Variants in CDS2 observed in about 807,000 individuals in gnomAD.
The protein encoded by CDS2 is phosphatidate cytidylyltransferase 2.
CDS2 carries 47 observed loss-of-function variants against 59.0 expected under a neutral mutation model. The ratio of observed to expected loss-of-function variants is 0.80; its 90% CI spans 0.63 to 1.02. The LOEUF is 1.02. Ranked by LOEUF, CDS2 falls within the 50% of genes least tolerant of loss-of-function variation. The pLI is 0.00. For missense variants in CDS2, 356 were observed against 558.9 expected (o/e 0.64, Z 3.66); for synonymous variants, 207 against 206.4 (o/e 1.00, Z -0.02).
At chr20:5,189,318 C>CTTGACCCA (rs1265469280) in intron 11 of CDS2, 132 bp downstream of exon 11, 213 of 974,104 alleles carry the variant, frequency 2.2e-4, no homozygotes, top group Non-Finnish European at 3.2e-4. Flanking sequence ...GACCCATGCA[C>CTTGACCCA]TGAATTTAGG....
intron 1 of CDS2, among the ~76,000 whole-genome samples, chr20:5,131,428 G>A (rs1193712090): frequency 1.3e-5 from 2 of 152,182 alleles, no homozygotes; most frequent in African/African-American, 2.4e-5. Flanking sequence ...ATATTTTTCT[G>A]ATGGAGCTTA....
At position 5,184,963 on chromosome 20, in the gene CDS2, A is replaced by C. The variant is rs752517851; in HGVS notation, c.759+18A>C. On this transcript the variant is annotated intron_variant, in intron 8 of 12. Coordinates refer to ENST00000460006, the MANE Select transcript of CDS2 (RefSeq NM_003818.4). This position sits in a 1 kb window ranked among gnomAD's most constrained non-coding sequence, Gnocchi z 4.3. ...TCATCAAGGTAAATGGATTACCCTA[A>C]TGTGAAATACCACTGTGAGGGGAGG... is the stretch of plus-strand genomic sequence containing the variant. 6.4e-7 allele frequency: 1 copy of C among 1,562,830 alleles called. No homozygotes were observed.
intron 1 of CDS2, among the ~76,000 whole-genome samples, chr20:5,140,922 G>A (rs1005286620): frequency 1.5e-4 from 23 of 152,170 alleles, no homozygotes; most frequent in African/African-American, 5.6e-4. Context: ...GTAAATAAGT[G>A]TGTGTGTGTA....
intron 1 of CDS2, among the ~76,000 whole-genome samples, chr20:5,166,873 A>G (rs2090916863): frequency 1.3e-5 from 2 of 152,176 alleles, no homozygotes; most frequent in African/African-American, 4.8e-5. Context: ...GGGACATGAA[A>G]TGTCGACAGC....
chr20:5,161,649 G>A (rs536364403), intron 1 of CDS2, among the ~76,000 whole-genome samples: 26 of 152,176 alleles, frequency 1.7e-4, no homozygotes, highest in Non-Finnish European at 3.5e-4. Flanking sequence ...GTTAATAGCT[G>A]CACAGAAAGT....
At chr20:5,178,050 C>A (rs1342311311) in intron 4 of CDS2, among the ~76,000 whole-genome samples, 1 of 152,150 alleles carries the variant, frequency 6.6e-6, no homozygotes. Flanking sequence ...TCTCAGGATC[C>A]TTGCTGGGGG....
chr20:5,161,099 C>G (rs1382758004), intron 1 of CDS2, among the ~76,000 whole-genome samples: 1 of 152,064 alleles, frequency 6.6e-6, no homozygotes, highest in African/African-American at 2.4e-5. Context: ...TGTGGTAATT[C>G]TATATTTGAT....
intron 1 of CDS2, among the ~76,000 whole-genome samples, chr20:5,137,986 A>T (rs2090662090): frequency 6.6e-6 from 1 of 151,254 alleles, no homozygotes; most frequent in Non-Finnish European, 1.5e-5. Context: ...TTTAGTAGAG[A>T]TGGGGTTTCG....
intron 1 of CDS2, among the ~76,000 whole-genome samples, chr20:5,144,119 T>C (rs1326861893): frequency 6.6e-6 from 1 of 152,192 alleles, no homozygotes; most frequent in African/African-American, 2.4e-5. Context: ...CTGGATCATA[T>C]GGTAATTCTG....
intron 1 of CDS2, among the ~76,000 whole-genome samples, chr20:5,127,737 A>C (rs1002181775): frequency 6.6e-6 from 1 of 151,330 alleles, no homozygotes; most frequent in Non-Finnish European, 1.5e-5. Context: ...TGTTTCCTGC[A>C]CCGTGTGGGC....
intron 1 of CDS2, among the ~76,000 whole-genome samples, chr20:5,144,754 T>C (rs1432388334): frequency 6.6e-6 from 1 of 152,176 alleles, no homozygotes; most frequent in Non-Finnish European, 1.5e-5. Flanking sequence ...ATGCATTCTG[T>C]GAAGTTTGTG....
At chr20:5,144,139 T>G (rs1026229885) in intron 1 of CDS2, among the ~76,000 whole-genome samples, 3 of 152,214 alleles carry the variant, frequency 2.0e-5, no homozygotes, top group African/African-American at 7.2e-5. Context: ...GTTTAATTTT[T>G]GGGGAACTGC....
At position 5,195,550 on chromosome 20, in the gene CDS2, T is replaced by C. The variant is rs2091150946; in HGVS notation, c.*5316T>C. The C allele has an allele frequency of 6.6e-6, 1 of 152,522 alleles. No homozygotes were observed. The highest frequency in any genetic ancestry group is 2.4e-5 in the African/African-American group (1 of 41,434). 9.4% of individuals were successfully genotyped at this position (152,522 alleles called of 1,614,324 possible). A position where few individuals can be genotyped will look rare whatever the true frequency, so the allele number is the denominator to read the frequency against. ...CTCCACTCTGGGCAGGGAGGGCCTGTCTGTGACTCGCTCTGGACCCCACTT... is the reference window on the plus strand; with the variant it reads ...CTCCACTCTGGGCAGGGAGGGCCTGCCTGTGACTCGCTCTGGACCCCACTT... On this transcript the variant is annotated 3_prime_UTR_variant, in exon 13 of 13. Transcript: ENST00000460006.
chr20:5,149,935 G>A (rs573309833), intron 1 of CDS2, among the ~76,000 whole-genome samples: 23 of 151,092 alleles, frequency 1.5e-4, no homozygotes, highest in African/African-American at 5.3e-4. Flanking sequence ...GGCTGTTCTC[G>A]AACTCCTGAC....
intron 1 of CDS2, among the ~76,000 whole-genome samples, chr20:5,151,889 T>A (rs147587309): frequency 6.7e-6 from 1 of 150,280 alleles, no homozygotes; most frequent in African/African-American, 2.4e-5. Context: ...CTCAGCCTTC[T>A]GAGTAGCTGG....
chr20:5,135,370 G>C (rs7273726), intron 1 of CDS2, among the ~76,000 whole-genome samples: 10,416 of 152,264 alleles, frequency 0.068, 632 homozygotes, highest in African/African-American at 0.16. Context: ...AGTTTGTTAA[G>C]CTACATTCTA....
In CDS2 at chr20:5,197,511, C is replaced by G. The variant is rs552926063; in HGVS notation, c.*7277C>G. ...CAGTTTCTCCATGGTGCCTCCCACC[C>G]CTTTGTAAAGTGGATGGACATGATG... On this transcript the variant is annotated 3_prime_UTR_variant, in exon 13 of 13. Transcript: ENST00000460006. 1 of 152,100 alleles carries G rather than the reference C, an allele frequency of 6.6e-6. No individual in the cohort carries two copies. The highest frequency in any genetic ancestry group is 2.1e-4 in the South Asian group (1 of 4,812). 9.4% of individuals were successfully genotyped at this position (152,100 alleles called of 1,614,324 possible). A position where few individuals can be genotyped will look rare whatever the true frequency, so the allele number is the denominator to read the frequency against.
At chr20:5,127,373 C>A (rs888732586) in intron 1 of CDS2, among the ~76,000 whole-genome samples, 3 of 152,066 alleles carry the variant, frequency 2.0e-5, no homozygotes, top group African/African-American at 7.2e-5. Context: ...TGAAGTGGCT[C>A]CCCCGGGGCG....
At chr20:5,144,443 C>G (rs959181156) in intron 1 of CDS2, among the ~76,000 whole-genome samples, 1 of 152,088 alleles carries the variant, frequency 6.6e-6, no homozygotes, top group Non-Finnish European at 1.5e-5. Flanking sequence ...GTAATGAGGT[C>G]GCCTTAGTGT....
Sources: gnomAD v4.1 joint callset for allele counts (sites outside exome capture counted in the v4.1 genomes callset) on GRCh38, gnomAD v4.1.1 for gene constraint, Gnocchi (gnomAD v3.1) non-coding constraint, MANE v1.5 for transcripts, NCBI Gene and HGNC (gene_info 2026-07-23, HGNC 2026-07-21) for gene names.